The following FARS2 variants were observed in gnomAD, a reference collection of about 807,000 sequenced individuals.
The protein encoded by FARS2 is phenylalanyl-tRNA synthetase 2, mitochondrial.
FARS2 carries 40 observed loss-of-function variants against 46.4 expected under a neutral mutation model. The observed-to-expected ratio is 0.86, with a 90% CI of 0.67 to 1.12. The LOEUF (loss-of-function observed/expected upper bound fraction) is 1.12. Ranked by LOEUF, FARS2 falls within the 50% of genes most tolerant of loss-of-function variation. FARS2 has a pLI of 0.00. For synonymous variants in FARS2, 234 were observed against 214.9 expected, an observed-to-expected ratio of 1.09 and a Z score of -0.78; for missense variants, 513 against 567.9, an observed-to-expected ratio of 0.90 and a Z score of 0.98.
intron 6 of FARS2, among the ~76,000 whole-genome samples, chr6:5,675,803 TCATTGTTTTC>T (rs1264067726): frequency 6.6e-6 from 1 of 152,236 alleles, no homozygotes; most frequent in Non-Finnish European, 1.5e-5. Context: ...CACATCGTTT[TCATTGTTTTC>T]CATTGGCTAA....
chr6:5,267,008 C>T (rs1035287538), intron 1 of FARS2, among the ~76,000 whole-genome samples: 3 of 151,998 alleles, frequency 2.0e-5, no homozygotes, highest in Admixed American at 2.0e-4. Context: ...TTTGAGAAAT[C>T]TTGAAAGCTA....
intron 4 of FARS2, among the ~76,000 whole-genome samples, chr6:5,435,066 G>T (rs778425308): frequency 1.3e-5 from 2 of 152,120 alleles, no homozygotes; most frequent in African/African-American, 4.8e-5. Context: ...TTACAGAGCC[G>T]GAGAAAGGTA....
chr6:5,377,415 G>A (rs1419255605), intron 2 of FARS2, among the ~76,000 whole-genome samples: 2 of 152,078 alleles, frequency 1.3e-5, no homozygotes, highest in Non-Finnish European at 2.9e-5. Context: ...ACATCCTCTG[G>A]GTCTGTTTCT....
At chr6:5,638,764 GTC>G (rs1353071133) in intron 6 of FARS2, among the ~76,000 whole-genome samples, 1 of 152,152 alleles carries the variant, frequency 6.6e-6, no homozygotes, top group Non-Finnish European at 1.5e-5. Flanking sequence ...CCTGACGACT[GTC>G]TGTGGCATGT....
chr6:5,762,731 G>C (rs1401624857), intron 6 of FARS2, among the ~76,000 whole-genome samples: 1 of 152,182 alleles, frequency 6.6e-6, no homozygotes, highest in East Asian at 1.9e-4. Flanking sequence ...CTCCATCAAG[G>C]CCTGGATTGG....
rs1173450036 is a variant in FARS2, at chr6:5,343,674, A to G, written c.-21-24876A>G. Among the ~76,000 whole-genome samples, 1 of 152,210 alleles carries G rather than the reference A, an allele frequency of 6.6e-6. No individual in the cohort carries two copies. Among genetic ancestry groups the G allele is most frequent in the Non-Finnish European group, 1.5e-5 (1 of 68,046 alleles). On this transcript the variant is annotated intron_variant, in intron 1 of 6. Transcript: ENST00000274680. This position sits in a 1 kb window ranked among gnomAD's most constrained non-coding sequence, Gnocchi z 4.5. Reference sequence around the variant, plus strand: ...ACATTAAGTTTTTATCACCTTTAACAGGAATGTGTCGTGACTGAAAGTGGA... The same window carrying G: ...ACATTAAGTTTTTATCACCTTTAACGGGAATGTGTCGTGACTGAAAGTGGA...
intron 4 of FARS2, among the ~76,000 whole-genome samples, chr6:5,532,783 TAAG>T (rs756604628): frequency 0.13 from 18,371 of 138,452 alleles, 1,252 homozygotes; most frequent in African/African-American, 0.21. Flanking sequence ...ATAATAATAA[TAAG>T]AAGAAGAAGA....
At position 5,585,685 on chromosome 6, in the gene FARS2, A is replaced by T. The variant is rs537782444; in HGVS notation, c.1066-27484A>T. Among the ~76,000 whole-genome samples, 226 of 151,990 alleles carry T rather than the reference A, an allele frequency of 1.5e-3. 3 individuals are homozygous for T. Among genetic ancestry groups the T allele is most frequent in the Middle Eastern group, 6.9e-3 (2 of 288 alleles). On this transcript the variant is annotated intron_variant, in intron 5 of 6. Coordinates refer to ENST00000274680, the MANE Select transcript of FARS2 (RefSeq NM_006567.5). Reference sequence around the variant, plus strand: ...GTGGCTGAATAATAGTCTAATATATATAATATCCCATTATATATAATATTC... The same window carrying T: ...GTGGCTGAATAATAGTCTAATATATTTAATATCCCATTATATATAATATTC...
chr6:5,666,254 A>T (rs981045482), intron 6 of FARS2, among the ~76,000 whole-genome samples: 2 of 152,228 alleles, frequency 1.3e-5, no homozygotes, highest in African/African-American at 4.8e-5. Context: ...TAAAAGAAAC[A>T]TAAGTAAGAG....
At chr6:5,589,654 C>A (rs1425591008) in intron 5 of FARS2, among the ~76,000 whole-genome samples, 1 of 152,210 alleles carries the variant, frequency 6.6e-6, no homozygotes, top group Non-Finnish European at 1.5e-5. Flanking sequence ...TGCAACCTGC[C>A]ATATCTGGGA....
chr6:5,436,066 C>G (rs968473547), intron 4 of FARS2, among the ~76,000 whole-genome samples: 1 of 152,034 alleles, frequency 6.6e-6, no homozygotes, highest in Non-Finnish European at 1.5e-5. Context: ...CACAGACATA[C>G]AAACAAATGA....
intron 5 of FARS2, among the ~76,000 whole-genome samples, chr6:5,571,807 C>T (rs893396918): frequency 1.3e-5 from 2 of 152,112 alleles, no homozygotes; most frequent in Admixed American, 6.6e-5. Context: ...TCTCTCCCTT[C>T]CCCCCATTTC....
chr6:5,556,967 A>G (rs1433243201), intron 5 of FARS2, among the ~76,000 whole-genome samples: 1 of 152,136 alleles, frequency 6.6e-6, no homozygotes, highest in African/African-American at 2.4e-5. Flanking sequence ...GTGGAATCAG[A>G]GGGATACTTT....
intron 6 of FARS2, among the ~76,000 whole-genome samples, chr6:5,749,124 C>A (rs1022831626): frequency 6.6e-6 from 1 of 152,184 alleles, no homozygotes; most frequent in African/African-American, 2.4e-5. Flanking sequence ...GAGCCACGGG[C>A]CCAGTCCTCT....
chr6:5,421,876 T>C (rs562684264), intron 3 of FARS2, among the ~76,000 whole-genome samples: 31 of 152,332 alleles, frequency 2.0e-4, no homozygotes, highest in African/African-American at 7.5e-4. Context: ...TTTTTCTGTT[T>C]TCTTCTGAGC....
chr6:5,493,578 A>C (rs1286891001), intron 4 of FARS2, among the ~76,000 whole-genome samples: 1 of 152,132 alleles, frequency 6.6e-6, no homozygotes, highest in Non-Finnish European at 1.5e-5. Flanking sequence ...CTGGGACTGG[A>C]GATCTAACTT....
chr6:5,355,502 G>A (rs1158337601), intron 1 of FARS2, among the ~76,000 whole-genome samples: 1 of 151,340 alleles, frequency 6.6e-6, no homozygotes, highest in African/African-American at 2.4e-5. Context: ...GACTACAGGT[G>A]CGTGCCACCA....
intron 2 of FARS2, among the ~76,000 whole-genome samples, chr6:5,372,802 A>G (rs1185346951): frequency 6.6e-6 from 1 of 152,168 alleles, no homozygotes; most frequent in African/African-American, 2.4e-5. Flanking sequence ...AAAACTGATG[A>G]TGTTAGCTAA....
At chr6:5,442,871 T>C (rs1178061629) in intron 4 of FARS2, among the ~76,000 whole-genome samples, 2 of 152,220 alleles carry the variant, frequency 1.3e-5, no homozygotes, top group East Asian at 3.8e-4. Context: ...AGGCCTCTGG[T>C]ATTTCCATTA....
Sources: gnomAD v4.1 joint callset for allele counts (sites outside exome capture counted in the v4.1 genomes callset) on GRCh38, gnomAD v4.1.1 for gene constraint, Gnocchi (gnomAD v3.1) non-coding constraint, MANE v1.5 for transcripts, NCBI Gene and HGNC (gene_info 2026-07-23, HGNC 2026-07-21) for gene names.